CNTNAP5: variants seen among roughly 807,000 people sequenced by gnomAD.
CNTNAP5 encodes contactin associated protein family member 5, also known as contactin-associated protein-like 5.
In CNTNAP5, 72 loss-of-function variants were observed where a neutral mutation model predicts 150.2. That is an observed-to-expected ratio of 0.48 (90% CI 0.40 to 0.58). CNTNAP5 has a LOEUF of 0.58. CNTNAP5 is among the 20% of genes least tolerant of loss of function. CNTNAP5 has a pLI of 0.00. For missense variants in CNTNAP5, 1,636 were observed against 1,626.2 expected (o/e 1.01, Z -0.10); for synonymous variants, 672 against 619.8 (o/e 1.08, Z -1.25).
intron 17 of CNTNAP5, among the ~76,000 whole-genome samples, chr2:124,786,352 GAAGAAAGAAAGAAAGAAAGAAAGA>G (rs1207108942): frequency 3.4e-5 from 2 of 59,156 alleles, no homozygotes; most frequent in Non-Finnish European, 6.3e-5. Flanking sequence ...AGAAAGAAAG[GAAGAAAGAAAGAAAGAAAGAAAGA>G]AAGAAAGAAA....
chr2:124,583,252 G>A (rs1696454269), intron 11 of CNTNAP5, among the ~76,000 whole-genome samples: 1 of 152,208 alleles, frequency 6.6e-6, no homozygotes, highest in South Asian at 2.1e-4. Context: ...CTCTGATGCT[G>A]GATGACTTTG....
intron 3 of CNTNAP5, among the ~76,000 whole-genome samples, chr2:124,415,201 A>G (rs1226050140): frequency 6.6e-6 from 1 of 152,184 alleles, no homozygotes; most frequent in East Asian, 1.9e-4. Flanking sequence ...TAAAGAGAAA[A>G]TGTTCAAAGT....
chr2:124,593,138 TA>T (rs1378194623), intron 11 of CNTNAP5, among the ~76,000 whole-genome samples: 12 of 147,018 alleles, frequency 8.2e-5, no homozygotes, highest in Admixed American at 1.4e-4. Flanking sequence ...TTATTATTAT[TA>T]TTTTTTTAAT....
At chr2:124,533,553 C>T (rs1220844915) in intron 10 of CNTNAP5, among the ~76,000 whole-genome samples, 2 of 152,150 alleles carry the variant, frequency 1.3e-5, no homozygotes, top group Non-Finnish European at 2.9e-5. Context: ...CTGCCCCCAC[C>T]TAGGGCCTCA....
At chr2:124,435,216 A>T (rs77487854) in intron 5 of CNTNAP5, among the ~76,000 whole-genome samples, 19,933 of 152,040 alleles carry the variant, frequency 0.13, 1,669 homozygotes, top group Non-Finnish European at 0.19. Flanking sequence ...TAAGCCCCAG[A>T]CTCACCAGAT....
chr2:124,314,143 C>T (rs529652484), intron 3 of CNTNAP5, among the ~76,000 whole-genome samples: 1 of 152,134 alleles, frequency 6.6e-6, no homozygotes, highest in South Asian at 2.1e-4. Context: ...GATAATGATG[C>T]CTTGTTTTCT....
At chr2:124,694,471 A>G (rs2105082652) in intron 13 of CNTNAP5, among the ~76,000 whole-genome samples, 1 of 152,244 alleles carries the variant, frequency 6.6e-6, no homozygotes, top group East Asian at 1.9e-4. Context: ...GTCTGAAATG[A>G]TCTTCATAGC....
At chr2:124,562,784 C>T (rs1695924492) in intron 10 of CNTNAP5, among the ~76,000 whole-genome samples, 1 of 152,086 alleles carries the variant, frequency 6.6e-6, no homozygotes, top group Non-Finnish European at 1.5e-5. Context: ...CTGGTCATTC[C>T]CCAAAAGAGA....
chr2:124,532,375 G>C (rs572773419), intron 10 of CNTNAP5, among the ~76,000 whole-genome samples: 15 of 152,306 alleles, frequency 9.8e-5, no homozygotes, highest in African/African-American at 3.4e-4. Context: ...TCTGAGTGGA[G>C]TAAGGTGAGC....
At chr2:124,600,731 CAG>C (rs374118230) in intron 11 of CNTNAP5, among the ~76,000 whole-genome samples, 37,083 of 123,944 alleles carry the variant, frequency 0.3, 5,723 homozygotes, top group Non-Finnish European at 0.38. Context: ...CAACAATACT[CAG>C]AGAGAGAGAG....
At chr2:124,782,545 G>A (rs1027371873) in intron 17 of CNTNAP5, among the ~76,000 whole-genome samples, 1 of 152,132 alleles carries the variant, frequency 6.6e-6, no homozygotes, top group African/African-American at 2.4e-5. Context: ...GTGTAAATCA[G>A]ATTTCCAATA....
chr2:124,524,202 C>T (rs1177279584), intron 8 of CNTNAP5, 101 bp from the exon 9 acceptor site: 4 of 1,238,660 alleles, frequency 3.2e-6, no homozygotes, highest in Non-Finnish European at 4.6e-6. Flanking sequence ...TGGGTTTGCT[C>T]TGAGAATGGC....
chr2:124,814,037 G>T (rs1367212764), intron 19 of CNTNAP5, among the ~76,000 whole-genome samples: 1 of 151,656 alleles, frequency 6.6e-6, no homozygotes, highest in African/African-American at 2.4e-5. Context: ...CTTATTTTTT[G>T]ATAGCTTCCC....
Position 124,763,806 on chromosome 2 carries a change from A to G in CNTNAP5, c.2362+7A>G. On this transcript the variant is annotated splice_region_variant and intron_variant, in intron 15 of 23. Transcript: ENST00000682447. ...TTGCGTTGCTATGGTGACCGTGAGTACAAAATCGAAAGAAGCTTTCTCTCT... is the reference window on the plus strand; with the variant it reads ...TTGCGTTGCTATGGTGACCGTGAGTGCAAAATCGAAAGAAGCTTTCTCTCT... The G allele has an allele frequency of 6.2e-7, 1 of 1,612,762 alleles. No individual in the cohort carries two copies. Among genetic ancestry groups the G allele is most frequent in the Non-Finnish European group, 8.5e-7 (1 of 1,179,360 alleles).
chr2:124,458,524 C>T (rs1272595945), intron 6 of CNTNAP5, among the ~76,000 whole-genome samples: 2 of 151,470 alleles, frequency 1.3e-5, no homozygotes, highest in Non-Finnish European at 1.5e-5. Flanking sequence ...AAGGGGAAAG[C>T]GTGGGAAGGG....
At chr2:124,786,352 G>A (rs145581342) in intron 17 of CNTNAP5, among the ~76,000 whole-genome samples, 851 of 59,154 alleles carry the variant, frequency 0.014, 58 homozygotes, top group East Asian at 0.032. Flanking sequence ...AGAAAGAAAG[G>A]AAGAAAGAAA....
chr2:124,768,990 C>T (rs1681131309), intron 16 of CNTNAP5, among the ~76,000 whole-genome samples: 1 of 152,118 alleles, frequency 6.6e-6, no homozygotes. Flanking sequence ...ACGTAGAAGG[C>T]CAGAGAGATT....
At chr2:124,711,837 T>A (rs995364489) in intron 13 of CNTNAP5, among the ~76,000 whole-genome samples, 2 of 152,056 alleles carry the variant, frequency 1.3e-5, no homozygotes, top group African/African-American at 4.8e-5. Flanking sequence ...CAATACTCTG[T>A]CTCAAAAAAA....
At chr2:124,344,806 A>G (rs1383606360) in intron 3 of CNTNAP5, among the ~76,000 whole-genome samples, 1 of 152,148 alleles carries the variant, frequency 6.6e-6, no homozygotes, top group Non-Finnish European at 1.5e-5. Flanking sequence ...GCAGATGTAA[A>G]TGGTAAAACA....
Sources: allele counts gnomAD v4.1 joint callset (sites outside exome capture counted in the v4.1 genomes callset), GRCh38; gene constraint gnomAD v4.1.1; transcripts MANE v1.5; gene names NCBI Gene and HGNC (gene_info 2026-07-23, HGNC 2026-07-21).